The following GUCY2F variants were observed in gnomAD, a reference collection of about 807,000 sequenced individuals.
The protein encoded by GUCY2F is guanylate cyclase 2F, retinal.
A neutral mutation model predicts 73.1 loss-of-function variants in GUCY2F; 61 were observed. The ratio of observed to expected loss-of-function variants is 0.83; its 90% CI spans 0.68 to 1.03. The LOEUF (loss-of-function observed/expected upper bound fraction) is 1.03, where lower values mean the gene tolerates loss of function less well. Among genes scored for constraint, GUCY2F ranks in the 50% least tolerant of loss-of-function variants. GUCY2F has a pLI of 0.00. For missense variants in GUCY2F, 912 were observed against 854.3 expected, an observed-to-expected ratio of 1.07 and a Z score of -0.84; for synonymous variants, 331 against 307.8, an observed-to-expected ratio of 1.08 and a Z score of -0.79.
chrX:109,454,101 C>T (rs186249999), intron 3 of GUCY2F, among the ~76,000 whole-genome samples: 127 of 111,048 alleles, frequency 1.1e-3, no homozygotes, highest in Admixed American at 0.011. Flanking sequence ...TATGAGCAAA[C>T]CAAGTCATAC....
chrX:109,403,769 A>G (rs1468869456), intron 10 of GUCY2F, among the ~76,000 whole-genome samples: 1 of 112,697 alleles, frequency 8.9e-6, no homozygotes, highest in Non-Finnish European at 1.9e-5. Flanking sequence ...AAAATGTTTC[A>G]TTTAAAGATT....
At chrX:109,435,308 A>C (rs1384194527) in intron 7 of GUCY2F, among the ~76,000 whole-genome samples, 1 of 107,041 alleles carries the variant, frequency 9.3e-6, no homozygotes, top group Non-Finnish European at 1.9e-5. Flanking sequence ...TTCATTGAGC[A>C]GTGGTTTGTA....
chrX:109,478,399 A>T (rs1932737583), intron 1 of GUCY2F, among the ~76,000 whole-genome samples: 1 of 112,364 alleles, frequency 8.9e-6, no homozygotes, highest in Admixed American at 9.4e-5. Flanking sequence ...TGTGACAAGG[A>T]TATTGAACTA....
chrX:109,457,006 T>C (rs1233954850), intron 3 of GUCY2F, among the ~76,000 whole-genome samples: 1 of 111,932 alleles, frequency 8.9e-6, no homozygotes, highest in Non-Finnish European at 1.9e-5. Flanking sequence ...TAAGACAGAA[T>C]TGGTAAGAAC....
At chrX:109,375,503 G>A (rs1026727242) in intron 19 of GUCY2F, among the ~76,000 whole-genome samples, 1 of 112,018 alleles carries the variant, frequency 8.9e-6, no homozygotes, top group Non-Finnish European at 1.9e-5. Context: ...AGGAATAGCC[G>A]GTAGTCCTAC....
Position 109,472,265 on chromosome X carries a change from C to G in GUCY2F, c.730+2942G>C, listed in dbSNP as rs193218156. ...GCCATCACTGCTTTTGCGAACAGATCAGGAAAAAAAAAAAAAAACCTCCCA... is the reference window on the plus strand; with the variant it reads ...GCCATCACTGCTTTTGCGAACAGATGAGGAAAAAAAAAAAAAAACCTCCCA... On this transcript the variant is annotated intron_variant, in intron 2 of 19. Coordinates refer to ENST00000218006, the MANE Select transcript of GUCY2F (RefSeq NM_001522.3). Among the ~76,000 whole-genome samples, 306 of 99,052 alleles carry G rather than the reference C, an allele frequency of 3.1e-3. 1 individual carries two copies. The highest frequency in any genetic ancestry group is 0.023 in the East Asian group (77 of 3,326). 86.0% of individuals were successfully genotyped at this position (99,052 alleles called of 115,157 possible). A position where few individuals can be genotyped will look rare whatever the true frequency, so the allele number is the denominator to read the frequency against.
chrX:109,480,104 T>C (rs752273492), intron 1 of GUCY2F, among the ~76,000 whole-genome samples: 18 of 111,718 alleles, frequency 1.6e-4, no homozygotes, highest in Admixed American at 2.9e-4. Flanking sequence ...ATAAAATGTT[T>C]TGTATTACCA....
chrX:109,409,621 T>G lies in GUCY2F; in HGVS notation c.1792-453A>C, dbSNP rs375878655. On this transcript the variant is annotated intron_variant, in intron 8 of 19. Transcript: ENST00000218006. ...GTCCCCACCCAAATCTCATCTTGAA[T>G]TCCCATGATTCCCACATATTGTGAG... Among the ~76,000 whole-genome samples, 15 of 111,208 alleles carry G rather than the reference T, an allele frequency of 1.3e-4. No homozygotes were observed. The South Asian group carries it at 2.3e-3, about 17-fold the overall frequency.
intron 7 of GUCY2F, among the ~76,000 whole-genome samples, chrX:109,439,172 T>C (rs1169091769): frequency 9.0e-6 from 1 of 111,661 alleles, no homozygotes; most frequent in Non-Finnish European, 1.9e-5. Context: ...CAAAGAGCCC[T>C]GCACTGAAAT....
At chrX:109,399,475 A>T (rs1347306216) in intron 10 of GUCY2F, among the ~76,000 whole-genome samples, 12 of 112,531 alleles carry the variant, frequency 1.1e-4, no homozygotes, top group Non-Finnish European at 2.3e-4. Context: ...ACAAAACATT[A>T]TTTCTGCATT....
intron 3 of GUCY2F, among the ~76,000 whole-genome samples, chrX:109,464,436 C>T (rs2147281541): frequency 8.9e-6 from 1 of 112,418 alleles, no homozygotes; most frequent in Admixed American, 9.4e-5. Flanking sequence ...TGTCTTCACC[C>T]ACTTACTCAT....
chrX:109,412,382 G>T (rs1294070541), intron 8 of GUCY2F, among the ~76,000 whole-genome samples: 3 of 111,749 alleles, frequency 2.7e-5, no homozygotes, highest in Non-Finnish European at 5.6e-5. Context: ...TCCAAGCAAA[G>T]GTTAAATTAT....
intron 7 of GUCY2F, among the ~76,000 whole-genome samples, chrX:109,437,656 A>T (rs1266606155): frequency 3.5e-5 from 4 of 112,942 alleles, no homozygotes. Flanking sequence ...GCCCCACCTC[A>T]TGCCAACTGA....
At chrX:109,473,934 C>A (rs1932625689) in intron 2 of GUCY2F, among the ~76,000 whole-genome samples, 1 of 112,242 alleles carries the variant, frequency 8.9e-6, no homozygotes, top group Admixed American at 9.4e-5. Flanking sequence ...CAAAATAATT[C>A]TATGCTCTGC....
intron 2 of GUCY2F, among the ~76,000 whole-genome samples, chrX:109,469,949 T>C (rs1258589330): frequency 1.8e-5 from 2 of 111,813 alleles, no homozygotes; most frequent in South Asian, 7.6e-4. Context: ...CACACGTTTT[T>C]GGCCATAAGT....
chrX:109,463,907 T>A (rs1932415017), intron 3 of GUCY2F, among the ~76,000 whole-genome samples: 1 of 112,088 alleles, frequency 8.9e-6, no homozygotes, highest in South Asian at 3.7e-4. Flanking sequence ...AGTGGAAAGA[T>A]GAACATGTTT....
At chrX:109,430,178 C>A (rs1183421017) in intron 8 of GUCY2F, 129 bp downstream of exon 8, 1 of 501,827 alleles carries the variant, frequency 2.0e-6, no homozygotes, top group African/African-American at 2.4e-5. Context: ...ATCATACCAA[C>A]CCATTAGCAA....
chrX:109,380,684 C>G (rs977301437), intron 17 of GUCY2F, among the ~76,000 whole-genome samples: 2 of 111,758 alleles, frequency 1.8e-5, no homozygotes, highest in Non-Finnish European at 3.8e-5. Context: ...CTGCAAAGGG[C>G]CCTTTTGAAG....
At chrX:109,395,134 C>T (rs754994221) in intron 12 of GUCY2F, among the ~76,000 whole-genome samples, 4 of 111,877 alleles carry the variant, frequency 3.6e-5, no homozygotes, top group Non-Finnish European at 7.5e-5. Flanking sequence ...ACACTAGAAC[C>T]AATCTTTGGG....
Sources: gnomAD v4.1 joint callset for allele counts (sites outside exome capture counted in the v4.1 genomes callset) on GRCh38, gnomAD v4.1.1 for gene constraint, MANE v1.5 for transcripts, NCBI Gene and HGNC (gene_info 2026-07-23, HGNC 2026-07-21) for gene names.